Variants in TANC2 observed in about 807,000 individuals in gnomAD.
The protein encoded by TANC2 is tetratricopeptide repeat, ankyrin repeat and coiled-coil containing 2.
TANC2 carries 26 observed loss-of-function variants against 210.5 expected under a neutral mutation model. The ratio of observed to expected loss-of-function variants is 0.12; its 90% CI spans 0.09 to 0.17. TANC2 has a LOEUF of 0.17. TANC2 is among the 10% of genes least tolerant of loss of function. TANC2 has a pLI of 1.00. For missense variants in TANC2, 2,129 were observed against 2,608.9 expected (o/e 0.82, Z 4.01); for synonymous variants, 931 against 967.1 (o/e 0.96, Z 0.69).
At chr17:63,310,122 G>A (rs574764961) in intron 9 of TANC2, among the ~76,000 whole-genome samples, 10 of 152,138 alleles carry the variant, frequency 6.6e-5, no homozygotes, top group Non-Finnish European at 1.0e-4. Context: ...CAAGTTTGGC[G>A]ACATAAACTG....
At chr17:63,091,791 A>G (rs1472007634) in intron 3 of TANC2, among the ~76,000 whole-genome samples, 1 of 152,096 alleles carries the variant, frequency 6.6e-6, no homozygotes, top group Non-Finnish European at 1.5e-5. Context: ...GAATCTATAA[A>G]TTACCTTGGG....
chr17:63,271,713 T>C (rs954919095), intron 9 of TANC2, among the ~76,000 whole-genome samples: 12 of 151,832 alleles, frequency 7.9e-5, no homozygotes, highest in Non-Finnish European at 1.6e-4. Flanking sequence ...TGCATGTTTG[T>C]CTTCTTTTGA....
intron 10 of TANC2, among the ~76,000 whole-genome samples, chr17:63,317,055 T>C (rs2045338428): frequency 6.6e-6 from 1 of 152,104 alleles, no homozygotes; most frequent in Non-Finnish European, 1.5e-5. Flanking sequence ...TCACTGGCTT[T>C]CTTAATCCTT....
At chr17:63,098,322 C>G (rs2037465114) in intron 3 of TANC2, among the ~76,000 whole-genome samples, 1 of 151,662 alleles carries the variant, frequency 6.6e-6, no homozygotes. Flanking sequence ...CCTGTGAGAA[C>G]CAGTCAAGTT....
At chr17:63,009,615 A>T in exon 2 of TANC2, 3 of 1,612,926 alleles carry the variant, frequency 1.9e-6, no homozygotes, top group Non-Finnish European at 2.5e-6. Context: ...AGTCGTAAAA[A>T]CAGGTCAAGT....
intron 1 of TANC2, among the ~76,000 whole-genome samples, chr17:62,986,048 G>A (rs939287253): frequency 9.8e-5 from 15 of 152,294 alleles, no homozygotes; most frequent in Middle Eastern, 3.4e-3. Flanking sequence ...TTGGCATGAC[G>A]GTTAGGTGGG....
intron 8 of TANC2, among the ~76,000 whole-genome samples, chr17:63,261,820 A>C (rs1291235499): frequency 6.6e-6 from 1 of 152,224 alleles, no homozygotes; most frequent in African/African-American, 2.4e-5. Flanking sequence ...TTTCAGCACA[A>C]CAAACTCTGT....
chr17:63,175,943 C>G (rs948242405), intron 5 of TANC2, among the ~76,000 whole-genome samples: 1 of 152,130 alleles, frequency 6.6e-6, no homozygotes, highest in South Asian at 2.1e-4. Flanking sequence ...TCACTAAACA[C>G]GTGAAAAGAT....
chr17:63,238,064 A>C lies in TANC2; in HGVS notation c.1020A>C (p.Pro340=), dbSNP rs558417554. 1.5e-4 allele frequency: 228 copies of C among 1,537,126 alleles called. No individual in the cohort carries two copies. The highest frequency in any genetic ancestry group is 1.8e-4 in the Non-Finnish European group (206 of 1,141,304). ...TTCCTTTGTATCTCATGCCACGGCC[A>C]AATTCAGTAGCAGGTAAGTTTTTGT... The change falls in exon 8 of 28, where the codon CCA becomes CCC. Residue 340 remains proline, a synonymous_variant. Coordinates refer to ENST00000689528, the Ensembl canonical transcript of TANC2.
At chr17:63,229,555 G>GT (rs34411520) in intron 7 of TANC2, among the ~76,000 whole-genome samples, 3,130 of 140,260 alleles carry the variant, frequency 0.022, 56 homozygotes, top group Non-Finnish European at 0.034. Flanking sequence ...CTGGTCCTGG[G>GT]TTTTTTTTTT....
chr17:63,066,744 G>A lies in TANC2; in HGVS notation c.68-7199G>A, dbSNP rs139375792. Among the ~76,000 whole-genome samples, 106 of 151,722 alleles carry A rather than the reference G, an allele frequency of 7.0e-4. 1 individual carries two copies. Among genetic ancestry groups the A allele is most frequent in the African/African-American group, 2.6e-3 (106 of 41,360 alleles). ...GCCATTCTTTAGATTATTAATGAAA[G>A]CTTTTTTTTTTTTCATTCTTCCTAG... On this transcript the variant is annotated intron_variant, in intron 2 of 27. Coordinates refer to ENST00000689528, the Ensembl canonical transcript of TANC2.
intron 14 of TANC2, among the ~76,000 whole-genome samples, chr17:63,359,572 T>G (rs2046896245): frequency 6.6e-6 from 1 of 152,036 alleles, no homozygotes; most frequent in Admixed American, 6.5e-5. Context: ...GGTCTCGTAC[T>G]CCTGACCTCA....
intron 9 of TANC2, among the ~76,000 whole-genome samples, chr17:63,295,534 G>A (rs546066887): frequency 5.9e-5 from 9 of 152,248 alleles, no homozygotes; most frequent in African/African-American, 2.2e-4. Context: ...AAGCAACGAA[G>A]TCTCTGAATA....
At chr17:63,287,148 G>C (rs761582290) in intron 9 of TANC2, among the ~76,000 whole-genome samples, 4 of 152,050 alleles carry the variant, frequency 2.6e-5, no homozygotes, top group Non-Finnish European at 5.9e-5. Flanking sequence ...GGCCAGGCTG[G>C]TCTCAAACTC....
chr17:63,061,626 T>G (rs1434386848), intron 2 of TANC2, among the ~76,000 whole-genome samples: 1 of 152,100 alleles, frequency 6.6e-6, no homozygotes, highest in African/African-American at 2.4e-5. Flanking sequence ...ACTAGATGTA[T>G]ATATACATAT....
intron 3 of TANC2, among the ~76,000 whole-genome samples, chr17:63,097,377 T>C (rs773228760): frequency 3.3e-5 from 5 of 152,048 alleles, no homozygotes; most frequent in Non-Finnish European, 7.4e-5. Context: ...TTGTTTGTCT[T>C]TTTGTTGTTG....
At position 63,023,331 on chromosome 17, in the gene TANC2, C is replaced by T. The variant is rs563409586; in HGVS notation, c.67+13705C>T. Among the ~76,000 whole-genome samples the T allele has an allele frequency of 3.9e-5, 6 of 152,292 alleles. No individual in the cohort carries two copies. In the South Asian group the frequency reaches 1.2e-3, roughly 32 times the overall value. ...TACCTAGAGTGTCCAGGTGATGGCA[C>T]ATAGAGCGAAAGATTATTTTGTGTG... On this transcript the variant is annotated intron_variant, in intron 2 of 27. Transcript: ENST00000689528.
intron 2 of TANC2, among the ~76,000 whole-genome samples, 170 bp from the exon 3 acceptor site, chr17:63,073,773 G>A (rs1044947928): frequency 6.6e-6 from 1 of 152,010 alleles, no homozygotes; most frequent in African/African-American, 2.4e-5. Context: ...AAAAATCAGG[G>A]TAAGAACCAT....
intron 7 of TANC2, among the ~76,000 whole-genome samples, chr17:63,205,344 C>CAAAAAAAA (rs1158768609): frequency 0.024 from 190 of 8,072 alleles, 49 homozygotes; most frequent in African/African-American, 0.027. Flanking sequence ...ACCAAGGAGG[C>CAAAAAAAA]AAAAAAAAAA....
Sources: gnomAD v4.1 joint callset for allele counts (sites outside exome capture counted in the v4.1 genomes callset) on GRCh38, gnomAD v4.1.1 for gene constraint, MANE v1.5 for transcripts, NCBI Gene and HGNC (gene_info 2026-07-23, HGNC 2026-07-21) for gene names.